The following SLC36A1 variants were observed in gnomAD, a reference collection of about 807,000 sequenced individuals.
The protein encoded by SLC36A1 is solute carrier family 36 member 1.
A neutral mutation model predicts 47.5 loss-of-function variants in SLC36A1; 30 were observed. The ratio of observed to expected loss-of-function variants is 0.63; its 90% CI spans 0.47 to 0.86. The LOEUF (loss-of-function observed/expected upper bound fraction) is 0.86, where lower values mean the gene tolerates loss of function less well. Among genes scored for constraint, SLC36A1 ranks in the 40% least tolerant of loss-of-function variants. The probability of loss-of-function intolerance (pLI) is 0.00; values close to 1 mark genes in which losing one functional copy is unlikely to be tolerated. For synonymous variants in SLC36A1, 255 were observed against 249.7 expected (o/e 1.02, Z -0.20); for missense variants, 517 against 606.0 (o/e 0.85, Z 1.54).
At position 151,488,301 on chromosome 5, in the gene SLC36A1, C is replaced by A. The variant is rs764688479; in HGVS notation, c.*47C>A. 39 of 1,593,176 alleles carry A rather than the reference C, an allele frequency of 2.4e-5. No individual in the cohort carries two copies. The highest frequency in any genetic ancestry group is 3.3e-5 in the Non-Finnish European group (39 of 1,168,046). ...GCTGCCTACCCCTGCCCCATGTGTC[C>A]CCCGTTACCTGTCCTCAGAGCCTCA... On this transcript the variant is annotated 3_prime_UTR_variant, in exon 11 of 11. Coordinates refer to ENST00000243389, the MANE Select transcript of SLC36A1 (RefSeq NM_078483.4).
chr5:151,407,048 C>T, the SLC36A1 span, among the ~76,000 whole-genome samples: 2 of 152,156 alleles, frequency 1.3e-5, no homozygotes, highest in African/African-American at 4.8e-5. Context: ...TTGTTTGTTC[C>T]TCCCAGTGGG....
the SLC36A1 span, among the ~76,000 whole-genome samples, chr5:151,386,686 G>A: frequency 1.3e-5 from 2 of 152,126 alleles, no homozygotes; most frequent in Non-Finnish European, 2.9e-5. Context: ...TAGAATTTGC[G>A]TCTTGAGCAT....
the SLC36A1 span, chr5:151,550,915 G>A: frequency 6.3e-7 from 1 of 1,590,042 alleles, no homozygotes; most frequent in Non-Finnish European, 8.6e-7. Context: ...AAGCCCCAGG[G>A]GAACAGGGAC....
chr5:151,551,137 CAG>C, the SLC36A1 span, among the ~76,000 whole-genome samples: 1 of 152,128 alleles, frequency 6.6e-6, no homozygotes, highest in African/African-American at 2.4e-5. Context: ...ATGTAAGAAA[CAG>C]ATAAAACACT....
At chr5:151,505,712 G>A in the SLC36A1 span, 1 of 1,613,980 alleles carries the variant, frequency 6.2e-7, no homozygotes, top group Non-Finnish European at 8.5e-7. Context: ...CTCGGCTGAG[G>A]CGCATACCCA....
At chr5:151,530,373 A>C in the SLC36A1 span, among the ~76,000 whole-genome samples, 4 of 152,318 alleles carry the variant, frequency 2.6e-5, no homozygotes, top group South Asian at 8.3e-4. Flanking sequence ...AAGGCCTTTG[A>C]TCCAAATGTC....
At chr5:151,408,550 C>T in the SLC36A1 span, among the ~76,000 whole-genome samples, 4 of 152,158 alleles carry the variant, frequency 2.6e-5, no homozygotes, top group East Asian at 5.8e-4. Flanking sequence ...TCTCTCATTT[C>T]CATTAATAGA....
the SLC36A1 span, among the ~76,000 whole-genome samples, chr5:151,352,215 C>T: frequency 1.3e-5 from 2 of 152,174 alleles, no homozygotes; most frequent in African/African-American, 2.4e-5. Flanking sequence ...TATTCTCAGT[C>T]ATACCCCTGC....
In SLC36A1 at chr5:151,457,969, C is replaced by T. The variant is rs187407604; in HGVS notation, c.-5-819C>T. 2.8e-3 allele frequency among the ~76,000 whole-genome samples: 420 copies of T among 152,132 alleles called. 9 individuals are homozygous for T. In the East Asian group the frequency reaches 0.066, roughly 24 times the overall value. ...TTTCAAGCGATTCTCCTGCCTCAGC[C>T]TCCCGAGTAGCTGGGATTACAGGCA... On this transcript the variant is annotated intron_variant, in intron 1 of 10. Coordinates refer to ENST00000243389, the MANE Select transcript of SLC36A1 (RefSeq NM_078483.4).
the SLC36A1 span, among the ~76,000 whole-genome samples, chr5:151,531,111 C>A: frequency 6.6e-6 from 1 of 152,122 alleles, no homozygotes; most frequent in Non-Finnish European, 1.5e-5. This position sits in a 1 kb window ranked among gnomAD's most constrained non-coding sequence, Gnocchi z 5.7. Context: ...TTTCCTAGTT[C>A]TCTCTCTCTT....
the SLC36A1 span, chr5:151,554,636 G>A: frequency 1.9e-6 from 3 of 1,613,976 alleles, no homozygotes; most frequent in Non-Finnish European, 2.5e-6. Context: ...CCTGGAGGTG[G>A]ACTTCAGTGA....
the SLC36A1 span, among the ~76,000 whole-genome samples, chr5:151,367,080 G>C: frequency 6.6e-6 from 1 of 151,190 alleles, no homozygotes; most frequent in Non-Finnish European, 1.5e-5. Context: ...CCACTGATAA[G>C]GGTCCAACAA....
At chr5:151,458,249 C>CAT (rs143433547) in intron 1 of SLC36A1, among the ~76,000 whole-genome samples, 30,065 of 145,468 alleles carry the variant, frequency 0.21, 3,350 homozygotes, top group Non-Finnish European at 0.26. Flanking sequence ...AGAGCTTGTA[C>CAT]ATATATATAT....
chr5:151,352,688 A>C, the SLC36A1 span, among the ~76,000 whole-genome samples: 1 of 152,152 alleles, frequency 6.6e-6, no homozygotes, highest in Non-Finnish European at 1.5e-5. Flanking sequence ...CATTCTGTAC[A>C]TCCCTTGGCT....
Position 151,479,391 on chromosome 5 carries a change from C to T in SLC36A1, c.1061C>T (p.Pro354Leu), listed in dbSNP as rs140356275. Residue 354 changes from proline to leucine, a missense_variant, in exon 10 of 11, where the codon CCG becomes CTG. By Grantham distance (98) the Pro-to-Leu change is moderately conservative. Coordinates refer to ENST00000243389, the MANE Select transcript of SLC36A1 (RefSeq NM_078483.4). ...ACCTACGCACTCCAGTTCTACGTCCCGGCTGAGATCATCATCCCCTTCTTT... is the reference window on the plus strand; with the variant it reads ...ACCTACGCACTCCAGTTCTACGTCCTGGCTGAGATCATCATCCCCTTCTTT... ...FFTYALQFYV[P>L]AEIIIPFFVS... is the part of the protein sequence containing the mutation. 2.8e-4 allele frequency: 450 copies of T among 1,614,222 alleles called. No homozygotes were observed. The African/African-American group carries it at 3.5e-3, about 12-fold the overall frequency.
the SLC36A1 span, chr5:151,538,072 G>C: frequency 2.0e-5 from 14 of 711,998 alleles, no homozygotes; most frequent in African/African-American, 2.5e-4. Flanking sequence ...GAGACGAAGA[G>C]AGACAGAAAA....
chr5:151,351,247 G>T, the SLC36A1 span, among the ~76,000 whole-genome samples: 1 of 152,176 alleles, frequency 6.6e-6, no homozygotes, highest in African/African-American at 2.4e-5. Flanking sequence ...AAGGAACACA[G>T]TGAGTGAACA....
the SLC36A1 span, chr5:151,507,371 G>T: frequency 1.2e-6 from 2 of 1,614,092 alleles, no homozygotes; most frequent in Non-Finnish European, 1.7e-6. Flanking sequence ...TGAGCTCGAT[G>T]GCAGGCATGG....
the SLC36A1 span, chr5:151,412,572 G>C: frequency 1.4e-5 from 2 of 144,168 alleles, 1 homozygote; most frequent in South Asian, 5.2e-4. Flanking sequence ...GCTTCCCAGC[G>C]TGAAGACTTT....
Sources: gnomAD v4.1 joint callset for allele counts (sites outside exome capture counted in the v4.1 genomes callset) on GRCh38, gnomAD v4.1.1 for gene constraint, Gnocchi (gnomAD v3.1) non-coding constraint, MANE v1.5 for transcripts, NCBI Gene and HGNC (gene_info 2026-07-23, HGNC 2026-07-21) for gene names.